Variants in GRM8 observed in about 807,000 individuals in gnomAD.
The protein encoded by GRM8 is metabotropic glutamate receptor 8.
Under a neutral mutation model 87.2 loss-of-function variants are expected in GRM8, and 47 were observed. The ratio of observed to expected loss-of-function variants is 0.54; its 90% CI spans 0.43 to 0.69. The LOEUF is 0.69. Among genes scored for constraint, GRM8 ranks in the 30% least tolerant of loss-of-function variants. The pLI is 0.00. For synonymous variants in GRM8, 396 were observed against 404.5 expected (o/e 0.98, Z 0.25); for missense variants, 1,019 against 1,139.2 (o/e 0.89, Z 1.52).
At chr7:126,958,811 A>C (rs764532509) in intron 3 of GRM8, among the ~76,000 whole-genome samples, 1 of 152,178 alleles carries the variant, frequency 6.6e-6, no homozygotes, top group Non-Finnish European at 1.5e-5. Context: ...TTATTATATT[A>C]AGGGTTTTCT....
Position 126,714,247 on chromosome 7 carries a change from C to CCGT in GRM8, c.1357+55615_1357+55617dup, listed in dbSNP as rs1811460110. On this transcript the variant is annotated intron_variant, in intron 7 of 10. Coordinates refer to ENST00000339582, the MANE Select transcript of GRM8 (RefSeq NM_000845.3). ...GAGCCTAGATCGTGCCACTCTACTCCCGTCTGGGTGACAGAGCAAGACTCC... is the reference window on the plus strand; with the variant it reads ...GAGCCTAGATCGTGCCACTCTACTCCCGTCGTCTGGGTGACAGAGCAAGACTCC... Among the ~76,000 whole-genome samples the CCGT allele has an allele frequency of 3.3e-5, 5 of 149,388 alleles. No homozygotes were observed. The South Asian group carries it at 1.1e-3, about 32-fold the overall frequency.
Position 126,780,857 on chromosome 7 carries a change from T to A in GRM8, c.1157-10792A>T, listed in dbSNP as rs150742092. 1.4e-3 allele frequency among the ~76,000 whole-genome samples: 212 copies of A among 151,798 alleles called. 2 individuals carry two copies. Among genetic ancestry groups the A allele is most frequent in the Non-Finnish European group, 1.3e-3 (87 of 67,726 alleles). On this transcript the variant is annotated intron_variant, in intron 6 of 10. Transcript: ENST00000339582. ...TTTCCAGTTCTAAAAGAGCACTGAGTCAAGAGAACAGATAGGAAGGAGGAA... is the reference window on the plus strand; with the variant it reads ...TTTCCAGTTCTAAAAGAGCACTGAGACAAGAGAACAGATAGGAAGGAGGAA...
intron 9 of GRM8, among the ~76,000 whole-genome samples, chr7:126,487,274 G>A (rs1032347211): frequency 1.3e-4 from 19 of 151,784 alleles, no homozygotes; most frequent in Non-Finnish European, 2.1e-4. Flanking sequence ...CTTCAGACAC[G>A]CAATATGGTT....
At chr7:126,995,913 A>G (rs1046368158) in intron 3 of GRM8, among the ~76,000 whole-genome samples, 8 of 152,130 alleles carry the variant, frequency 5.3e-5, no homozygotes. Flanking sequence ...ACCTAAAGGC[A>G]TTTAATAATC....
intron 8 of GRM8, among the ~76,000 whole-genome samples, chr7:126,545,472 T>A (rs1342460565): frequency 3.3e-5 from 5 of 152,196 alleles, no homozygotes; most frequent in Non-Finnish European, 1.5e-5. Flanking sequence ...TGGCCAAATT[T>A]AGAGTTTCAA....
At chr7:127,193,054 A>G (rs1019475948) in intron 2 of GRM8, among the ~76,000 whole-genome samples, 1 of 152,218 alleles carries the variant, frequency 6.6e-6, no homozygotes, top group Non-Finnish European at 1.5e-5. Flanking sequence ...TATAGCTACC[A>G]TAAGACTTAT....
At position 126,864,140 on chromosome 7, in the gene GRM8, G is replaced by A. The variant is rs548950200; in HGVS notation, c.1156+38402C>T. ...CCTGCCTCAGCCTCCCAAAGTGTTG[G>A]GATTACAGGTATGATCCACTATGCC... is the stretch of plus-strand genomic sequence containing the variant. On this transcript the variant is annotated intron_variant, in intron 6 of 10. Transcript: ENST00000339582. Among the ~76,000 whole-genome samples, 88 of 148,420 alleles carry A rather than the reference G, an allele frequency of 5.9e-4. 1 individual carries two copies. The highest frequency in any genetic ancestry group is 2.0e-3 in the African/African-American group (80 of 40,270).
chr7:126,891,617 A>G (rs2131090450), intron 6 of GRM8, among the ~76,000 whole-genome samples: 1 of 152,108 alleles, frequency 6.6e-6, no homozygotes, highest in Middle Eastern at 3.4e-3. Context: ...TGGTTAAAAT[A>G]ATAATACTAC....
intron 9 of GRM8, among the ~76,000 whole-genome samples, chr7:126,525,760 C>G (rs1813726636): frequency 6.6e-6 from 1 of 152,090 alleles, no homozygotes; most frequent in Non-Finnish European, 1.5e-5. Context: ...TCTCTTTCTC[C>G]TTTCCTTCTA....
At chr7:127,194,335 C>A (rs181549692) in intron 2 of GRM8, among the ~76,000 whole-genome samples, 6 of 152,260 alleles carry the variant, frequency 3.9e-5, no homozygotes, top group Admixed American at 3.3e-4. Flanking sequence ...CGTAAATAAG[C>A]TAATACACAG....
rs549068550 is a variant in GRM8, at chr7:126,822,780, C to T, written c.1157-52715G>A. Among the ~76,000 whole-genome samples the T allele has an allele frequency of 2.6e-5, 4 of 152,258 alleles. No homozygotes were observed. The South Asian group carries it at 6.2e-4, about 24-fold the overall frequency. Reference sequence around the variant, plus strand: ...CCTTTTATGATAAACTACCTCTGAACGTTGAGAGTGCTTATCTCTGACTAC... The same window carrying T: ...CCTTTTATGATAAACTACCTCTGAATGTTGAGAGTGCTTATCTCTGACTAC... On this transcript the variant is annotated intron_variant, in intron 6 of 10. Transcript: ENST00000339582.
At chr7:126,962,054 A>C (rs983248608) in intron 3 of GRM8, among the ~76,000 whole-genome samples, 3 of 152,232 alleles carry the variant, frequency 2.0e-5, no homozygotes, top group African/African-American at 7.2e-5. Flanking sequence ...GGGACCAGAA[A>C]AATAATATTG....
In GRM8 at chr7:126,846,520, A is replaced by C. The variant is rs1301176348; in HGVS notation, c.1156+56022T>G. On this transcript the variant is annotated intron_variant, in intron 6 of 10. Coordinates refer to ENST00000339582, the MANE Select transcript of GRM8 (RefSeq NM_000845.3). ...GCTATGCTATTCTAAGAAAAGAACA[A>C]AATTTTCTGTAATGAGTTTTCTGGT... Among the ~76,000 whole-genome samples, 4 of 152,234 alleles carry C rather than the reference A, an allele frequency of 2.6e-5. No homozygotes were observed. The East Asian group carries it at 7.7e-4, about 29-fold the overall frequency.
At chr7:126,965,368 A>G (rs919529147) in intron 3 of GRM8, among the ~76,000 whole-genome samples, 1 of 152,146 alleles carries the variant, frequency 6.6e-6, no homozygotes, top group Non-Finnish European at 1.5e-5. Context: ...ACTATCAATT[A>G]ATTGGTCAGA....
intron 2 of GRM8, among the ~76,000 whole-genome samples, chr7:127,216,555 GC>G (rs1156998653): frequency 7.2e-6 from 1 of 138,960 alleles, no homozygotes; most frequent in Non-Finnish European, 1.6e-5. Flanking sequence ...AAAAGAAGAA[GC>G]TGAGGACAAG....
At chr7:126,779,806 C>G (rs1432963441) in intron 6 of GRM8, among the ~76,000 whole-genome samples, 1 of 152,050 alleles carries the variant, frequency 6.6e-6, no homozygotes, top group Non-Finnish European at 1.5e-5. Context: ...CACATCCTAG[C>G]AAGCCCAGAT....
At chr7:126,856,592 T>C (rs1277977120) in intron 6 of GRM8, among the ~76,000 whole-genome samples, 1 of 152,200 alleles carries the variant, frequency 6.6e-6, no homozygotes, top group East Asian at 1.9e-4. Flanking sequence ...ACTGAATAAA[T>C]TCATAATATC....
intron 7 of GRM8, among the ~76,000 whole-genome samples, chr7:126,712,345 A>T (rs1811190266): frequency 6.6e-6 from 1 of 152,208 alleles, no homozygotes; most frequent in Admixed American, 6.5e-5. Context: ...AAACAATTAT[A>T]ATAATAATAT....
chr7:126,801,637 T>C (rs1252438456), intron 6 of GRM8, among the ~76,000 whole-genome samples: 4 of 152,144 alleles, frequency 2.6e-5, no homozygotes, highest in African/African-American at 9.7e-5. Context: ...TTAGTTATTG[T>C]AATGCATGTT....
Sources: allele counts gnomAD v4.1 joint callset (sites outside exome capture counted in the v4.1 genomes callset), GRCh38; gene constraint gnomAD v4.1.1; transcripts MANE v1.5; gene names NCBI Gene and HGNC (gene_info 2026-07-23, HGNC 2026-07-21).